TAMM41: variants seen among roughly 807,000 people sequenced by gnomAD.
TAMM41 encodes the protein TAM41 mitochondrial translocator assembly and maintenance homolog, also known as phosphatidate cytidylyltransferase, mitochondrial.
In TAMM41, 36 loss-of-function variants were observed where a neutral mutation model predicts 44.1. The observed-to-expected ratio is 0.82, with a 90% confidence interval of 0.63 to 1.08. TAMM41 has a LOEUF of 1.08. Among genes scored for constraint, TAMM41 ranks in the 50% least tolerant of loss-of-function variants. TAMM41 has a pLI of 0.00. For synonymous variants in TAMM41, 164 were observed against 153.1 expected (o/e 1.07, Z -0.53); for missense variants, 417 against 404.3 (o/e 1.03, Z -0.27).
chr3:11,835,444 T>C (rs1368314602), intron 3 of TAMM41, among the ~76,000 whole-genome samples: 4 of 152,234 alleles, frequency 2.6e-5, no homozygotes, highest in African/African-American at 7.2e-5. Context: ...AAAATAATCA[T>C]TGCTATCAGT....
At chr3:11,736,622 C>G in the TAMM41 span, among the ~76,000 whole-genome samples, 1 of 152,180 alleles carries the variant, frequency 6.6e-6, no homozygotes, top group African/African-American at 2.4e-5. Context: ...CTCTTGATCA[C>G]AGCGGGGCCT....
chr3:11,780,470 A>T, the TAMM41 span, among the ~76,000 whole-genome samples: 2 of 152,188 alleles, frequency 1.3e-5, no homozygotes, highest in African/African-American at 4.8e-5. Context: ...TGACTGAAAG[A>T]CAGTTTAGTC....
At chr3:11,803,212 C>T (rs1195199023) in intron 7 of TAMM41, among the ~76,000 whole-genome samples, 1 of 152,140 alleles carries the variant, frequency 6.6e-6, no homozygotes, top group Non-Finnish European at 1.5e-5. Flanking sequence ...GCAGAGGTTG[C>T]TGCGAGCTGA....
chr3:11,806,224 G>C (rs964773381), intron 7 of TAMM41, among the ~76,000 whole-genome samples: 2 of 152,146 alleles, frequency 1.3e-5, no homozygotes, highest in Non-Finnish European at 2.9e-5. Flanking sequence ...TTTGTATCCC[G>C]AGCAGCTGGC....
the TAMM41 span, among the ~76,000 whole-genome samples, chr3:11,772,071 CTT>C: frequency 0.011 from 1,640 of 147,640 alleles, 32 homozygotes; most frequent in African/African-American, 0.038. Flanking sequence ...TTTTCTTTTT[CTT>C]TTTTTCTTTT....
At chr3:11,755,472 T>C in the TAMM41 span, among the ~76,000 whole-genome samples, 1 of 152,114 alleles carries the variant, frequency 6.6e-6, no homozygotes, top group African/African-American at 2.4e-5. Flanking sequence ...CGTGGGAGGA[T>C]GGTACGGTGC....
chr3:11,735,014 A>T, the TAMM41 span, among the ~76,000 whole-genome samples: 3 of 150,394 alleles, frequency 2.0e-5, no homozygotes, highest in Non-Finnish European at 4.4e-5. Context: ...ACGCCACTGC[A>T]CTCCAGCCTG....
At chr3:11,844,273 A>G in intron 1 of TAMM41, 62 bp from the exon 2 acceptor site, 1 of 1,509,546 alleles carries the variant, frequency 6.6e-7, no homozygotes, top group Non-Finnish European at 9.0e-7. Flanking sequence ...GCAAGAGAGC[A>G]TGGAAAAGCT....
the TAMM41 span, among the ~76,000 whole-genome samples, chr3:11,757,677 A>G: frequency 6.6e-6 from 1 of 152,228 alleles, no homozygotes; most frequent in African/African-American, 2.4e-5. Flanking sequence ...CAGCAAAATG[A>G]CAACGCTTTG....
chr3:11,810,387 T>G (rs1317076601), intron 5 of TAMM41, among the ~76,000 whole-genome samples: 1 of 152,198 alleles, frequency 6.6e-6, no homozygotes, highest in Non-Finnish European at 1.5e-5. Context: ...CATGTAAAAC[T>G]ATGTGTCAGA....
the TAMM41 span, among the ~76,000 whole-genome samples, chr3:11,735,517 C>T: frequency 6.6e-6 from 1 of 151,956 alleles, no homozygotes; most frequent in Admixed American, 6.6e-5. Context: ...ACCTATAGTC[C>T]CAGCTACTTG....
At chr3:11,748,817 G>A in the TAMM41 span, among the ~76,000 whole-genome samples, 2 of 151,892 alleles carry the variant, frequency 1.3e-5, no homozygotes, top group African/African-American at 4.8e-5. Flanking sequence ...TGTGAGATTT[G>A]TATCTGTGAC....
chr3:11,760,444 T>G, the TAMM41 span, among the ~76,000 whole-genome samples: 1 of 152,254 alleles, frequency 6.6e-6, no homozygotes, highest in Non-Finnish European at 1.5e-5. Flanking sequence ...TTTTCTAATT[T>G]CTTCCAATTT....
At chr3:11,808,695 G>T in intron 6 of TAMM41, 3 of 847,448 alleles carry the variant, frequency 3.5e-6, no homozygotes, top group Non-Finnish European at 4.3e-6. Context: ...TTAAAGGGAA[G>T]TTAGTCTCTG....
chr3:11,749,726 C>T, the TAMM41 span, among the ~76,000 whole-genome samples: 1 of 152,120 alleles, frequency 6.6e-6, no homozygotes, highest in Non-Finnish European at 1.5e-5. Context: ...CTCATTCACA[C>T]CCACAGTGCC....
rs34155955 is a variant in TAMM41 at position 11,824,357 on chromosome 3, A to ATTT, written c.562+5354_562+5356dup. 2.2e-3 allele frequency among the ~76,000 whole-genome samples: 227 copies of ATTT among 104,980 alleles called. 2 individuals are homozygous for ATTT. The highest frequency in any genetic ancestry group is 6.6e-3 in the Middle Eastern group (1 of 152). 68.9% of individuals were successfully genotyped at this position (104,980 alleles called of 152,430 possible). ...AGGTGTGTGCCACCATGCCTGGCTA[A>ATTT]TTTTTTTTTTTTTTTTTTTTTTGTG... is the stretch of plus-strand genomic sequence containing the variant. On this transcript the variant is annotated intron_variant, in intron 4 of 7. Coordinates refer to ENST00000455809, the MANE Select transcript of TAMM41 (RefSeq NM_001284401.2).
At chr3:11,790,089 C>A (rs1397255662), downstream of TAMM41, among the ~76,000 whole-genome samples, 1 of 152,144 alleles carries the variant, frequency 6.6e-6, no homozygotes, top group Non-Finnish European at 1.5e-5. Flanking sequence ...CACTTGCGAG[C>A]CCCTGCTGGA....
rs1268523130 is a variant in TAMM41, at chr3:11,846,763, G to C, written c.-127C>G. 8.0e-6 allele frequency: 10 copies of C among 1,251,588 alleles called. No homozygotes were observed. The highest frequency in any genetic ancestry group is 7.7e-5 in the Admixed American group (4 of 51,720). 77.5% of individuals were successfully genotyped at this position (1,251,588 alleles called of 1,614,324 possible). A position where few individuals can be genotyped will look rare whatever the true frequency, so the allele number is the denominator to read the frequency against. On this transcript the variant is annotated 5_prime_UTR_variant, in exon 1 of 8. Coordinates refer to ENST00000455809, the MANE Select transcript of TAMM41 (RefSeq NM_001284401.2). ...AGACTGGATCGAGGGACACAAGGCT[G>C]AGTGTGGGGTGGGACTGCAAGCACA...
the TAMM41 span, among the ~76,000 whole-genome samples, chr3:11,726,042 G>A: frequency 4.6e-4 from 70 of 152,306 alleles, 1 homozygote; most frequent in Admixed American, 4.4e-3. Flanking sequence ...GTCCTCCCAT[G>A]TCATACTTCT....
Sources: allele counts gnomAD v4.1 joint callset (sites outside exome capture counted in the v4.1 genomes callset), GRCh38; gene constraint gnomAD v4.1.1; transcripts MANE v1.5; gene names NCBI Gene and HGNC (gene_info 2026-07-23, HGNC 2026-07-21).